CNTLN: variants seen among roughly 807,000 people sequenced by gnomAD.
The protein encoded by CNTLN is centlein, also known as centlein, centrosomal protein.
In CNTLN, 212 loss-of-function variants were observed where a neutral mutation model predicts 180.0. The observed-to-expected ratio is 1.18, with a 90% CI of 1.05 to 1.32. CNTLN has a LOEUF of 1.32. CNTLN is among the 40% of genes most tolerant of loss of function. The pLI, the probability that CNTLN is intolerant of heterozygous loss-of-function variation, is 0.00. For missense variants in CNTLN, 2,095 were observed against 1,610.9 expected (o/e 1.30, Z -5.14); for synonymous variants, 722 against 563.1 (o/e 1.28, Z -3.99).
intron 1 of CNTLN, 82 bp downstream of exon 1, chr9:17,135,507 C>T (rs962713428): frequency 6.8e-7 from 1 of 1,475,052 alleles, no homozygotes; most frequent in Non-Finnish European, 9.0e-7. Context: ...CTCCCTCTGC[C>T]TTGGGACCTA....
At chr9:17,409,926 C>A (rs916395203) in intron 16 of CNTLN, among the ~76,000 whole-genome samples, 1 of 152,046 alleles carries the variant, frequency 6.6e-6, no homozygotes, top group African/African-American at 2.4e-5. Flanking sequence ...ACTGCTGATA[C>A]ATCATGGCAC....
intron 13 of CNTLN, among the ~76,000 whole-genome samples, chr9:17,372,323 C>G (rs760422431): frequency 6.6e-6 from 1 of 152,064 alleles, no homozygotes. Context: ...CTATCACCAA[C>G]TATATGCCAA....
At chr9:17,148,809 T>A (rs1818633993) in intron 2 of CNTLN, among the ~76,000 whole-genome samples, 1 of 152,188 alleles carries the variant, frequency 6.6e-6, no homozygotes, top group African/African-American at 2.4e-5. Context: ...AGTGCCACAA[T>A]AATTTTTTTA....
chr9:17,385,591 C>G (rs1003957666), intron 13 of CNTLN, among the ~76,000 whole-genome samples: 1 of 151,990 alleles, frequency 6.6e-6, no homozygotes, highest in East Asian at 1.9e-4. Context: ...GGACAAAATC[C>G]AAATACAGTG....
intron 14 of CNTLN, among the ~76,000 whole-genome samples, chr9:17,392,192 A>G (rs1826167556): frequency 6.6e-6 from 1 of 152,156 alleles, no homozygotes; most frequent in Non-Finnish European, 1.5e-5. Context: ...ACTTGAGCCC[A>G]GGAGGTCAAG....
chr9:17,479,633 C>T (rs1322990190), intron 23 of CNTLN, among the ~76,000 whole-genome samples: 2 of 151,930 alleles, frequency 1.3e-5, no homozygotes, highest in Non-Finnish European at 2.9e-5. Flanking sequence ...ATATAGTCAA[C>T]AATGATGTAC....
intron 18 of CNTLN, 24 bp downstream of exon 18, chr9:17,416,213 C>T (rs1435010024): frequency 9.8e-6 from 15 of 1,529,896 alleles, no homozygotes; most frequent in African/African-American, 1.4e-5. Flanking sequence ...TAAGATTGAA[C>T]AGTAGTATAC....
intron 18 of CNTLN, 51 bp from the exon 19 acceptor site, chr9:17,457,473 A>G (rs1284485563): frequency 3.0e-6 from 3 of 995,658 alleles, no homozygotes; most frequent in African/African-American, 1.7e-5. Context: ...TAGATTAAAT[A>G]TAGTTACTTT....
At chr9:17,251,584 G>A (rs950020966) in intron 5 of CNTLN, among the ~76,000 whole-genome samples, 1 of 151,790 alleles carries the variant, frequency 6.6e-6, no homozygotes, top group Non-Finnish European at 1.5e-5. Context: ...TTTTGTGTGT[G>A]TATTTTGTTC....
At chr9:17,290,003 T>C (rs1334731338) in intron 6 of CNTLN, among the ~76,000 whole-genome samples, 1 of 152,154 alleles carries the variant, frequency 6.6e-6, no homozygotes, top group Non-Finnish European at 1.5e-5. Flanking sequence ...CCTTCTTCTC[T>C]CAGCTCGTCA....
At chr9:17,514,472 T>TCTTATA in the CNTLN span, among the ~76,000 whole-genome samples, 11 of 152,208 alleles carry the variant, frequency 7.2e-5, no homozygotes, top group African/African-American at 2.4e-4. Context: ...TTCTTATAAC[T>TCTTATA]ACACACAGAA....
intron 13 of CNTLN, among the ~76,000 whole-genome samples, chr9:17,373,686 A>C (rs1414753211): frequency 1.3e-5 from 2 of 152,202 alleles, no homozygotes; most frequent in Admixed American, 1.3e-4. Flanking sequence ...ATTGTAAACA[A>C]AAAGAACAAA....
rs57960408 is a variant in CNTLN, at chr9:17,202,646, G to GTTTTTTTTT, written c.450-23541_450-23533dup. 1.4e-3 allele frequency among the ~76,000 whole-genome samples: 97 copies of GTTTTTTTTT among 71,432 alleles called. 4 individuals carry two copies. Among genetic ancestry groups the GTTTTTTTTT allele is most frequent in the East Asian group, 4.3e-3 (8 of 1,860 alleles). 46.9% of individuals were successfully genotyped at this position (71,432 alleles called of 152,430 possible). A position where few individuals can be genotyped will look rare whatever the true frequency, so the allele number is the denominator to read the frequency against. On this transcript the variant is annotated intron_variant, in intron 2 of 25. Coordinates refer to ENST00000380647, the MANE Select transcript of CNTLN (RefSeq NM_017738.4). ...ATCAGAGCCTAGGATTGCAACCTCTGTTTTTTTTTTTTTTTTTTTTTTTTG... is the reference window on the plus strand; with the variant it reads ...ATCAGAGCCTAGGATTGCAACCTCTGTTTTTTTTTTTTTTTTTTTTTTTTTTTTTTTTTG...
At chr9:17,459,369 G>C (rs1308643629) in intron 19 of CNTLN, among the ~76,000 whole-genome samples, 2 of 151,796 alleles carry the variant, frequency 1.3e-5, no homozygotes, top group Non-Finnish European at 3.0e-5. Flanking sequence ...GTCAGAAAGA[G>C]AACTAAAGCA....
chr9:17,295,993 A>AGT (rs1288248891), intron 6 of CNTLN, among the ~76,000 whole-genome samples: 3 of 81,064 alleles, frequency 3.7e-5, no homozygotes, highest in South Asian at 6.1e-4. Context: ...AGAGAGAGAG[A>AGT]GAGAGTGTGT....
intron 2 of CNTLN, among the ~76,000 whole-genome samples, chr9:17,160,682 T>A (rs898621635): frequency 4.6e-5 from 7 of 152,198 alleles, no homozygotes; most frequent in Non-Finnish European, 7.4e-5. Flanking sequence ...AAGGAAGATA[T>A]AAGCCACCAA....
rs1018704649 is a variant in CNTLN, at chr9:17,266,960, A to G, written c.850-6773A>G. Among the ~76,000 whole-genome samples the G allele has an allele frequency of 2.6e-5, 4 of 152,138 alleles. 1 individual carries two copies. Among genetic ancestry groups the G allele is most frequent in the African/African-American group, 9.7e-5 (4 of 41,434 alleles). ...TGCACATGAGATGGGTTTCCTGAATACAGCACACTGATGGGTCTTGACTCT... is the reference window on the plus strand; with the variant it reads ...TGCACATGAGATGGGTTTCCTGAATGCAGCACACTGATGGGTCTTGACTCT... On this transcript the variant is annotated intron_variant, in intron 5 of 25. Coordinates refer to ENST00000380647, the MANE Select transcript of CNTLN (RefSeq NM_017738.4).
chr9:17,435,451 A>G lies in CNTLN; in HGVS notation c.3114+19262A>G, dbSNP rs1451246682. 3.3e-5 allele frequency among the ~76,000 whole-genome samples: 5 copies of G among 152,180 alleles called. No homozygotes were observed. The East Asian group carries it at 9.6e-4, about 29-fold the overall frequency. Reference sequence around the variant, plus strand: ...TTATTTAAGATAACACACTGTCACAATGGCTGTTAAGACTATGATTAAAAG... The same window carrying G: ...TTATTTAAGATAACACACTGTCACAGTGGCTGTTAAGACTATGATTAAAAG... On this transcript the variant is annotated intron_variant, in intron 18 of 25. Transcript: ENST00000380647.
chr9:17,517,837 A>G, the CNTLN span, among the ~76,000 whole-genome samples: 176 of 152,138 alleles, frequency 1.2e-3, 4 homozygotes, highest in East Asian at 0.032. Flanking sequence ...AGTAATACAA[A>G]GGGTGGGGAG....
Sources: allele counts gnomAD v4.1 joint callset (sites outside exome capture counted in the v4.1 genomes callset), GRCh38; gene constraint gnomAD v4.1.1; transcripts MANE v1.5; gene names NCBI Gene and HGNC (gene_info 2026-07-23, HGNC 2026-07-21).